Variants in LOXHD1 observed in about 807,000 individuals in gnomAD.
The protein encoded by LOXHD1 is lipoxygenase homology PLAT domains 1.
Under a neutral mutation model 248.2 loss-of-function variants are expected in LOXHD1, and 205 were observed. The observed-to-expected ratio is 0.83, with a 90% confidence interval of 0.74 to 0.93. The LOEUF is 0.93. Among genes scored for constraint, LOXHD1 ranks in the 40% least tolerant of loss-of-function variants. LOXHD1 has a pLI of 0.00. For synonymous variants in LOXHD1, 1,113 were observed against 1,162.8 expected, an observed-to-expected ratio of 0.96 and a Z score of 0.87; for missense variants, 2,930 against 2,971.6, an observed-to-expected ratio of 0.99 and a Z score of 0.33.
intron 15 of LOXHD1, 120 bp downstream of exon 15, chr18:46,571,966 C>T: frequency 1.2e-6 from 1 of 842,492 alleles, no homozygotes; most frequent in Admixed American, 2.1e-5. Context: ...CCCTCTCCTC[C>T]CTCCCCACTG....
chr18:46,477,500 G>C lies in LOXHD1; in HGVS notation c.6794C>G (p.Thr2265Ser), dbSNP rs546013887. 1 of 1,550,364 alleles carries C rather than the reference G, an allele frequency of 6.5e-7. No homozygotes were observed. Among genetic ancestry groups the C allele is most frequent in the East Asian group, 2.4e-5 (1 of 40,918 alleles). Reference sequence around the variant, plus strand: ...GACAGAAGGGAAGAGGTCTCTCCAGGTGAGTCCATCCCCCCGCTTCTTGTC... The same window carrying C: ...GACAGAAGGGAAGAGGTCTCTCCAGCTGAGTCCATCCCCCCGCTTCTTGTC... ...WLDKKRGDGL[T>S]WRDLFPSV Residue 2265 changes from threonine to serine, a missense_variant, in exon 41 of 41, where the codon ACC becomes AGC. Coordinates refer to ENST00000642948, the MANE Select transcript of LOXHD1 (RefSeq NM_001384474.1).
At chr18:46,574,388 T>TACACACACACACACACACAC (rs569144159) in intron 14 of LOXHD1, among the ~76,000 whole-genome samples, 5,149 of 125,080 alleles carry the variant, frequency 0.041, 176 homozygotes, top group East Asian at 0.076. Context: ...TGTGTACACA[T>TACACACACACACACACACAC]ACACACACAC....
At chr18:46,653,744 T>C (rs1313500271) in intron 1 of LOXHD1, among the ~76,000 whole-genome samples, 1 of 152,272 alleles carries the variant, frequency 6.6e-6, no homozygotes. Flanking sequence ...TCTACCATTA[T>C]TGGCTATGTG....
At chr18:46,503,078 G>A (rs2034336282) in intron 37 of LOXHD1, among the ~76,000 whole-genome samples, 2 of 152,168 alleles carry the variant, frequency 1.3e-5, no homozygotes, top group South Asian at 2.1e-4. Context: ...TCCAGGTACT[G>A]TTATAAGCAG....
intron 4 of LOXHD1, among the ~76,000 whole-genome samples, chr18:46,624,075 C>T (rs2038705565): frequency 6.6e-6 from 1 of 152,214 alleles, no homozygotes; most frequent in South Asian, 2.1e-4. Flanking sequence ...CTTTTCCTTG[C>T]CTTTCGCCCA....
intron 14 of LOXHD1, among the ~76,000 whole-genome samples, chr18:46,576,839 C>T (rs1599020816): frequency 6.6e-6 from 1 of 152,136 alleles, no homozygotes; most frequent in East Asian, 1.9e-4. Flanking sequence ...GTGTGTGCGC[C>T]TGTAGGCACA....
intron 37 of LOXHD1, among the ~76,000 whole-genome samples, chr18:46,502,495 G>A (rs2034297963): frequency 6.6e-6 from 1 of 152,194 alleles, no homozygotes; most frequent in Admixed American, 6.5e-5. Flanking sequence ...GGAATGCATA[G>A]TAATCTGGAC....
intron 15 of LOXHD1, among the ~76,000 whole-genome samples, chr18:46,571,618 T>A (rs980036950): frequency 1.3e-5 from 2 of 152,206 alleles, no homozygotes; most frequent in Admixed American, 1.3e-4. Context: ...ACATGAGGTG[T>A]TGGTAATGTC....
chr18:46,550,928 A>T (rs1348127624), intron 21 of LOXHD1, among the ~76,000 whole-genome samples: 1 of 151,974 alleles, frequency 6.6e-6, no homozygotes, highest in Non-Finnish European at 1.5e-5. Context: ...TGCTGGGAAA[A>T]CTATGACCCC....
Position 46,533,236 on chromosome 18 carries a change from T to A in LOXHD1, c.4301A>T (p.Asp1434Val). 1 of 1,551,760 alleles carries A rather than the reference T, an allele frequency of 6.4e-7. No individual in the cohort carries two copies. The highest frequency in any genetic ancestry group is 1.2e-5 in the South Asian group (1 of 84,066). Residue 1434 changes from aspartate to valine, a missense_variant, in exon 28 of 41, where the codon GAC (aspartate) becomes GTC (valine). Asp to Val is a radical substitution (Grantham distance 152, BLOSUM62 -3). Coordinates refer to ENST00000642948, the MANE Select transcript of LOXHD1 (RefSeq NM_001384474.1). ...TTTCATGTATTTCTCAGTGAAGATG[T>A]CATATGGAACCAGTTCTCGAATGGT... is the stretch of plus-strand genomic sequence containing the variant. The part of the protein sequence containing the change: ...KKTIRELVPY[D>V]IFTEKYMKDG...
chr18:46,542,554 C>G (rs893935026), intron 24 of LOXHD1, among the ~76,000 whole-genome samples, 173 bp downstream of exon 24: 1 of 151,948 alleles, frequency 6.6e-6, no homozygotes, highest in Non-Finnish European at 1.5e-5. Flanking sequence ...GCCAGAAACT[C>G]TGTGTGCAGC....
chr18:46,542,290 G>C (rs900744494), intron 24 of LOXHD1, among the ~76,000 whole-genome samples: 2 of 152,168 alleles, frequency 1.3e-5, no homozygotes, highest in Admixed American at 6.5e-5. Context: ...GGGATGCCAG[G>C]AAGAGCCTGT....
At chr18:46,547,498 G>A (rs2036901070) in intron 21 of LOXHD1, among the ~76,000 whole-genome samples, 1 of 152,204 alleles carries the variant, frequency 6.6e-6, no homozygotes, top group African/African-American at 2.4e-5. Context: ...AGCCAATTAT[G>A]TCTGCTTTCA....
intron 5 of LOXHD1, among the ~76,000 whole-genome samples, chr18:46,612,484 T>C (rs568578442): frequency 4.3e-4 from 65 of 152,192 alleles, no homozygotes; most frequent in Non-Finnish European, 3.4e-4. Flanking sequence ...TGAGAATATG[T>C]TCATGAATAT....
chr18:46,605,923 A>G (rs977201485), intron 6 of LOXHD1, among the ~76,000 whole-genome samples: 2 of 152,240 alleles, frequency 1.3e-5, no homozygotes, highest in African/African-American at 4.8e-5. Flanking sequence ...AAGACCTTGC[A>G]AATTCTTGAA....
intron 21 of LOXHD1, among the ~76,000 whole-genome samples, chr18:46,555,918 C>T (rs1427766267): frequency 6.6e-6 from 1 of 152,104 alleles, no homozygotes; most frequent in East Asian, 1.9e-4. Flanking sequence ...TGTGAGCCTC[C>T]ACCAGGGGTC....
At chr18:46,635,061 T>G (rs569711140) in intron 4 of LOXHD1, among the ~76,000 whole-genome samples, 4 of 152,232 alleles carry the variant, frequency 2.6e-5, no homozygotes, top group Admixed American at 6.5e-5. Flanking sequence ...TCTAGACTAG[T>G]AGGTACCTTC....
At chr18:46,560,048 T>TCCCGG in intron 19 of LOXHD1, 35 bp downstream of exon 19, 13 of 1,226,292 alleles carry the variant, frequency 1.1e-5, no homozygotes, top group Non-Finnish European at 1.5e-5. Context: ...GTCTGGCCAC[T>TCCCGG]CCCTCCCCAC....
At chr18:46,585,622 G>A (rs1568202040) in intron 12 of LOXHD1, among the ~76,000 whole-genome samples, 1 of 152,008 alleles carries the variant, frequency 6.6e-6, no homozygotes, top group African/African-American at 2.4e-5. Flanking sequence ...TCCCCAAACT[G>A]GTCTATAGAT....
Sources: gnomAD v4.1 joint callset for allele counts (sites outside exome capture counted in the v4.1 genomes callset) on GRCh38, gnomAD v4.1.1 for gene constraint, MANE v1.5 for transcripts, NCBI Gene and HGNC (gene_info 2026-07-23, HGNC 2026-07-21) for gene names.